The following CHD4 variants were observed in gnomAD, a reference collection of about 807,000 sequenced individuals.
CHD4 encodes the protein ATP-dependent chromatin remodeler CHD4.
CHD4 carries 35 observed loss-of-function variants against 235.5 expected under a neutral mutation model. The ratio of observed to expected loss-of-function variants is 0.15; its 90% confidence interval spans 0.11 to 0.20. The LOEUF is 0.20. CHD4 is among the 10% of genes least tolerant of loss of function. The pLI, the probability that CHD4 is intolerant of heterozygous loss-of-function variation, is 1.00. For missense variants in CHD4, 1,329 were observed against 2,432.3 expected (o/e 0.55, Z 9.54); for synonymous variants, 900 against 850.2 (o/e 1.06, Z -1.02).
intron 22 of CHD4, chr12:6,591,242 C>A (rs1250695401): frequency 4.9e-6 from 2 of 409,394 alleles, no homozygotes; most frequent in African/African-American, 4.2e-5. Context: ...CCTCGAGATA[C>A]AATGCTTTCT....
chr12:6,604,003 T>G (rs549087691), intron 2 of CHD4, among the ~76,000 whole-genome samples: 1 of 152,148 alleles, frequency 6.6e-6, no homozygotes, highest in Non-Finnish European at 1.5e-5. Context: ...CCCAATCGGG[T>G]GCAATGGCTC....
At chr12:6,595,293 G>C in intron 14 of CHD4, 41 bp downstream of exon 14, 1 of 1,514,990 alleles carries the variant, frequency 6.6e-7, no homozygotes, top group Non-Finnish European at 9.2e-7. Flanking sequence ...AAGATACATT[G>C]TCCTACCCAA....
intron 2 of CHD4, 57 bp downstream of exon 2, chr12:6,606,217 A>C: frequency 2.5e-6 from 3 of 1,193,862 alleles, no homozygotes; most frequent in Non-Finnish European, 2.4e-6. Flanking sequence ...CAGAGGAGTC[A>C]CTCGGGAGAG....
At chr12:6,585,666 G>C (rs1226341568) in intron 25 of CHD4, among the ~76,000 whole-genome samples, 2 of 151,360 alleles carry the variant, frequency 1.3e-5, no homozygotes, top group Non-Finnish European at 2.9e-5. Flanking sequence ...GCACGTGCCT[G>C]TAGTCCCAGC....
intron 14 of CHD4, 133 bp from the exon 15 acceptor site, chr12:6,594,783 A>C: frequency 1.4e-6 from 1 of 735,700 alleles, no homozygotes; most frequent in East Asian, 2.7e-5. Context: ...GAGGGAAGAG[A>C]TCCCCTATGA....
At chr12:6,604,672 C>T (rs1322518348) in intron 2 of CHD4, among the ~76,000 whole-genome samples, 1 of 151,968 alleles carries the variant, frequency 6.6e-6, no homozygotes, top group East Asian at 1.9e-4. Context: ...GCACATGGAG[C>T]CCCCCAAACT....
chr12:6,579,302 T>G, intron 33 of CHD4: 1 of 257,560 alleles, frequency 3.9e-6, no homozygotes, highest in East Asian at 1.2e-4. Context: ...GTACAAAAAT[T>G]AGCCAGGCGT....
intron 38 of CHD4, among the ~76,000 whole-genome samples, chr12:6,572,711 C>T (rs902106246): frequency 2.0e-5 from 3 of 152,122 alleles, no homozygotes; most frequent in Non-Finnish European, 2.9e-5. Flanking sequence ...GCGTGCGTTG[C>T]GCCACATGCC....
At chr12:6,579,341 A>G (rs1236931807) in intron 33 of CHD4, 1 of 210,998 alleles carries the variant, frequency 4.7e-6, no homozygotes. Context: ...TCCCAGCACT[A>G]TGGGAGGCCG....
At position 6,587,911 on chromosome 12, in the gene CHD4, C is replaced by T; in HGVS notation, c.3504G>A (p.Lys1168=). The T allele has an allele frequency of 1.2e-6, 2 of 1,614,222 alleles. No homozygotes were observed. Among genetic ancestry groups the T allele is most frequent in the Non-Finnish European group, 1.7e-6 (2 of 1,180,054 alleles). ...SRAHRIGQNK[K]VMIYRFVTRA... The stretch of plus-strand genomic sequence containing the variant: ...GGGTCACAAACCGGTAGATCATTAC[C>T]TTTTTATTTTGCCCAATCCGGTGAG... The change falls in exon 24 of 40, where the codon AAG becomes AAA. Residue 1168 remains lysine, a synonymous_variant. Transcript: ENST00000544040.
In CHD4 at chr12:6,602,154, G is replaced by T; in HGVS notation, c.244C>A (p.Leu82Met). Residue 82 changes from leucine (L) to methionine (M), a missense_variant, in exon 4 of 40, where the codon CTG (leucine) becomes ATG (methionine). This residue lies in a region of CHD4 where 213 missense variants were observed against 177.5 expected (regional missense o/e 1.20). Coordinates refer to ENST00000544040, the MANE Select transcript of CHD4 (RefSeq NM_001273.5). ...KKERMLLCRQ[L>M]GDSSGEGPEF... ...GGCCCCTCCCCAGAGCTGTCCCCCAGCTGCCGGCATAAGAGCATACGCTGG... is the reference window on the plus strand; with the variant it reads ...GGCCCCTCCCCAGAGCTGTCCCCCATCTGCCGGCATAAGAGCATACGCTGG... 4 of 1,613,888 alleles carry T rather than the reference G, an allele frequency of 2.5e-6. No homozygotes were observed. Among genetic ancestry groups the T allele is most frequent in the Non-Finnish European group, 3.4e-6 (4 of 1,179,966 alleles).
intron 4 of CHD4, 83 bp downstream of exon 4, chr12:6,601,877 G>C: frequency 6.4e-7 from 1 of 1,561,918 alleles, no homozygotes; most frequent in Non-Finnish European, 8.8e-7. Context: ...AGAAGAGAAA[G>C]TGTTCTAAAG....
chr12:6,571,302 C>T, intron 38 of CHD4: 2 of 378,532 alleles, frequency 5.3e-6, no homozygotes, highest in Non-Finnish European at 9.5e-6. Flanking sequence ...TTCGTTTTTT[C>T]TCTTCTCTAC....
rs1210706607 is a variant in CHD4 at position 6,591,592 on chromosome 12, G to A, written c.3223-9C>T. ...TCTAGCATCTTGGTCATCTGCAAAA[G>A]AAGCACGGTTTAATTATGGAAGAGT... On this transcript the variant is annotated splice_polypyrimidine_tract_variant and intron_variant, in intron 21 of 39. Transcript: ENST00000544040. 6 of 1,613,948 alleles carry A rather than the reference G, an allele frequency of 3.7e-6. No homozygotes were observed. Among genetic ancestry groups the A allele is most frequent in the Admixed American group, 1.7e-5 (1 of 59,990 alleles).
At position 6,606,402 on chromosome 12, in the gene CHD4, C is replaced by T. The variant is rs996264644; in HGVS notation, c.-29G>A. Reference sequence around the variant, plus strand: ...CTTCCGCTCCCGGCCAGGGAATTGGCCCAGCTGCTCCTGCCGGCGGCCTGA... The same window carrying T: ...CTTCCGCTCCCGGCCAGGGAATTGGTCCAGCTGCTCCTGCCGGCGGCCTGA... On this transcript the variant is annotated 5_prime_UTR_variant, in exon 2 of 40. Transcript: ENST00000544040. The T allele has an allele frequency of 4.4e-5, 66 of 1,506,732 alleles. No individual in the cohort carries two copies. The highest frequency in any genetic ancestry group is 5.2e-5 in the Non-Finnish European group (58 of 1,111,618). 93.3% of individuals were successfully genotyped at this position (1,506,732 alleles called of 1,614,324 possible).
At chr12:6,591,371 A>G in intron 22 of CHD4, 95 bp downstream of exon 22, 1 of 955,170 alleles carries the variant, frequency 1.0e-6, no homozygotes, top group Non-Finnish European at 1.6e-6. Context: ...AAAGTCCCAA[A>G]AGAACTACAC....
intron 12 of CHD4, 122 bp downstream of exon 12, chr12:6,597,772 A>C: frequency 1.1e-6 from 1 of 931,292 alleles, no homozygotes; most frequent in Non-Finnish European, 1.7e-6. Flanking sequence ...CTCAAAAACA[A>C]AAAACAAACA....
chr12:6,570,925 C>T lies in CHD4; in HGVS notation c.5665G>A (p.Glu1889Lys). The T allele has an allele frequency of 6.2e-7, 1 of 1,614,198 alleles. No homozygotes were observed. Among genetic ancestry groups the T allele is most frequent in the East Asian group, 2.2e-5 (1 of 44,890 alleles). Reference protein sequence around the residue: ...PPVAVRLQMSERNILSRLANR... With the variant: ...PPVAVRLQMSKRNILSRLANR... Reference sequence around the variant, plus strand: ...GCCAGGCGGCTGAGAATGTTACGCTCTGACATCTGTAACCTCACAGCAACT... The same window carrying T: ...GCCAGGCGGCTGAGAATGTTACGCTTTGACATCTGTAACCTCACAGCAACT... Residue 1889 changes from glutamate (E) to lysine (K), a missense_variant, in exon 39 of 40, where the codon GAG becomes AAG. By Grantham distance (56) the Glu-to-Lys change is moderately conservative. This residue lies in a region of CHD4 where 135 missense variants were observed against 282.3 expected (regional missense o/e 0.48). Coordinates refer to ENST00000544040, the MANE Select transcript of CHD4 (RefSeq NM_001273.5).
intron 37 of CHD4, among the ~76,000 whole-genome samples, chr12:6,576,869 A>G (rs945727320): frequency 6.6e-6 from 1 of 152,090 alleles, no homozygotes; most frequent in Non-Finnish European, 1.5e-5. Flanking sequence ...TGCTTAGTAC[A>G]TAATACCTGA....
Sources: gnomAD v4.1 joint callset for allele counts (sites outside exome capture counted in the v4.1 genomes callset) on GRCh38, gnomAD v4.1.1 for gene constraint, gnomAD v4.1.1 regional missense constraint, MANE v1.5 for transcripts, NCBI Gene and HGNC (gene_info 2026-07-23, HGNC 2026-07-21) for gene names.